The following NKAIN3 variants were observed in gnomAD, a reference collection of about 807,000 sequenced individuals.
The protein encoded by NKAIN3 is sodium/potassium-transporting ATPase subunit beta-1-interacting protein 3.
NKAIN3 carries 25 observed loss-of-function variants against 30.2 expected under a neutral mutation model. The ratio of observed to expected loss-of-function variants is 0.83; its 90% CI spans 0.60 to 1.16. NKAIN3 has a LOEUF of 1.16. Ranked by LOEUF, NKAIN3 falls within the 50% of genes most tolerant of loss-of-function variation. The pLI is 0.00. For synonymous variants in NKAIN3, 91 were observed against 89.6 expected (o/e 1.02, Z -0.09); for missense variants, 225 against 254.1 (o/e 0.89, Z 0.78).
In NKAIN3 at chr8:62,867,554, C is replaced by G. The variant is rs187565294; in HGVS notation, c.472-50899C>G. On this transcript the variant is annotated intron_variant, in intron 4 of 6. Coordinates refer to ENST00000623646, the MANE Select transcript of NKAIN3 (RefSeq NM_001304533.3). ...TGATTGACCAATGTCTGTCATAGCT[C>G]AAAAGACTTATGCAAGAGGAACCAA... Among the ~76,000 whole-genome samples the G allele has an allele frequency of 4.9e-3, 752 of 152,258 alleles. 7 individuals are homozygous for G. The highest frequency in any genetic ancestry group is 0.017 in the African/African-American group (723 of 41,544).
At chr8:62,507,699 C>T (rs1807685628) in intron 1 of NKAIN3, among the ~76,000 whole-genome samples, 1 of 152,138 alleles carries the variant, frequency 6.6e-6, no homozygotes, top group Non-Finnish European at 1.5e-5. Context: ...CTCTCTTTTC[C>T]TTTCTGTTAC....
At chr8:62,889,581 G>A (rs1403361181) in intron 4 of NKAIN3, among the ~76,000 whole-genome samples, 4 of 152,066 alleles carry the variant, frequency 2.6e-5, no homozygotes, top group African/African-American at 9.7e-5. Flanking sequence ...TGCCACTTTT[G>A]GATAAGTATG....
intron 1 of NKAIN3, among the ~76,000 whole-genome samples, chr8:62,505,736 A>G (rs1807612015): frequency 6.6e-6 from 1 of 152,158 alleles, no homozygotes; most frequent in Non-Finnish European, 1.5e-5. Context: ...TTTGGCACCA[A>G]AGAATCTTTG....
At chr8:62,806,186 A>T in intron 4 of NKAIN3, among the ~76,000 whole-genome samples, 1 of 152,324 alleles carries the variant, frequency 6.6e-6, no homozygotes, top group East Asian at 1.9e-4. Context: ...AGAAATAGGA[A>T]CACTTTTACA....
chr8:62,329,026 C>T (rs1426553817), intron 1 of NKAIN3, among the ~76,000 whole-genome samples: 12 of 151,996 alleles, frequency 7.9e-5, no homozygotes, highest in African/African-American at 2.7e-4. Context: ...GAATCCATGT[C>T]ATCAGCAGCT....
At chr8:62,780,687 A>T in intron 4 of NKAIN3, among the ~76,000 whole-genome samples, 1 of 152,318 alleles carries the variant, frequency 6.6e-6, no homozygotes, top group South Asian at 2.1e-4. Context: ...GACAAAAGTC[A>T]TATGATAATT....
chr8:62,601,344 G>C (rs1810978107), intron 3 of NKAIN3, among the ~76,000 whole-genome samples: 1 of 151,924 alleles, frequency 6.6e-6, no homozygotes, highest in Admixed American at 6.6e-5. Context: ...GTAGGGTACA[G>C]AATATCTATA....
chr8:62,468,998 T>C (rs536421676), intron 1 of NKAIN3, among the ~76,000 whole-genome samples: 45 of 152,292 alleles, frequency 3.0e-4, no homozygotes, highest in Middle Eastern at 6.8e-3. Flanking sequence ...AACGTTCTGT[T>C]ACTTTTCAAT....
intron 3 of NKAIN3, among the ~76,000 whole-genome samples, chr8:62,669,612 A>G (rs1026298963): frequency 6.6e-6 from 1 of 152,212 alleles, no homozygotes; most frequent in Non-Finnish European, 1.5e-5. Context: ...AGTACAAAAG[A>G]CACTCATTGC....
intron 1 of NKAIN3, among the ~76,000 whole-genome samples, chr8:62,448,126 A>C (rs547446958): frequency 6.6e-6 from 1 of 151,944 alleles, no homozygotes; most frequent in East Asian, 1.9e-4. Flanking sequence ...ATTATAGTTC[A>C]CTCTCTTTGC....
chr8:62,924,025 G>A (rs1822364248), intron 5 of NKAIN3, among the ~76,000 whole-genome samples: 2 of 152,174 alleles, frequency 1.3e-5, no homozygotes, highest in African/African-American at 4.8e-5. Context: ...GTGAAGTAGA[G>A]CCTAAAAGAT....
At chr8:62,608,856 A>G (rs1368318638) in intron 3 of NKAIN3, among the ~76,000 whole-genome samples, 1 of 152,148 alleles carries the variant, frequency 6.6e-6, no homozygotes, top group East Asian at 1.9e-4. Flanking sequence ...AAATTAAGAT[A>G]CACTTTCATA....
chr8:62,312,868 G>A (rs906982641), intron 1 of NKAIN3, among the ~76,000 whole-genome samples: 1 of 151,376 alleles, frequency 6.6e-6, no homozygotes, highest in Admixed American at 6.6e-5. Context: ...GATATTCTGA[G>A]TTTACAATTG....
intron 1 of NKAIN3, among the ~76,000 whole-genome samples, chr8:62,258,581 G>C (rs1034492623): frequency 2.6e-5 from 4 of 152,052 alleles, no homozygotes; most frequent in African/African-American, 9.7e-5. Flanking sequence ...GTTCAGTTGA[G>C]CCCAGGAGTT....
intron 4 of NKAIN3, among the ~76,000 whole-genome samples, chr8:62,807,556 G>GAT (rs1554580121): frequency 7.4e-6 from 1 of 134,300 alleles, no homozygotes; most frequent in Non-Finnish European, 1.6e-5. Flanking sequence ...TTCTTTTCTG[G>GAT]TTTTTTTTTT....
chr8:62,388,823 T>C (rs760390409), intron 1 of NKAIN3, among the ~76,000 whole-genome samples: 8 of 152,318 alleles, frequency 5.3e-5, no homozygotes, highest in East Asian at 1.9e-4. Context: ...AGGTGCACCA[T>C]TGGCCTCCAG....
chr8:62,737,497 C>T (rs1387000939), intron 3 of NKAIN3, among the ~76,000 whole-genome samples: 1 of 152,110 alleles, frequency 6.6e-6, no homozygotes, highest in East Asian at 1.9e-4. Context: ...TTCTCTGGAC[C>T]ACTTCTACCT....
At chr8:62,474,858 G>A (rs1023291600) in intron 1 of NKAIN3, among the ~76,000 whole-genome samples, 4 of 151,984 alleles carry the variant, frequency 2.6e-5, no homozygotes, top group South Asian at 2.1e-4. Flanking sequence ...AAATGAAAGG[G>A]TAAATATAAA....
intron 1 of NKAIN3, among the ~76,000 whole-genome samples, chr8:62,575,070 A>T (rs1810068404): frequency 1.3e-5 from 2 of 152,138 alleles, no homozygotes. Flanking sequence ...CTCAACAAGC[A>T]TGCCCACTTT....
Sources: gnomAD v4.1 joint callset for allele counts (sites outside exome capture counted in the v4.1 genomes callset) on GRCh38, gnomAD v4.1.1 for gene constraint, MANE v1.5 for transcripts, NCBI Gene and HGNC (gene_info 2026-07-23, HGNC 2026-07-21) for gene names.